The following SLC38A7 variants were observed in gnomAD, a reference collection of about 807,000 sequenced individuals.
The protein encoded by SLC38A7 is sodium-coupled neutral amino acid transporter 7.
SLC38A7 carries 29 observed loss-of-function variants against 50.1 expected under a neutral mutation model. That is an observed-to-expected ratio of 0.58 (90% CI 0.43 to 0.79). The LOEUF is 0.79. Among genes scored for constraint, SLC38A7 ranks in the 30% least tolerant of loss-of-function variants. The pLI, the probability that SLC38A7 is intolerant of heterozygous loss-of-function variation, is 0.00. For synonymous variants in SLC38A7, 244 were observed against 245.9 expected, an observed-to-expected ratio of 0.99 and a Z score of 0.07; for missense variants, 483 against 610.6, an observed-to-expected ratio of 0.79 and a Z score of 2.20.
At position 58,667,396 on chromosome 16, in the gene SLC38A7, G is replaced by A. The variant is rs1240839108; in HGVS notation, c.1378C>T (p.Leu460Phe). The change falls in exon 12 of 12, where the codon CTC becomes TTC. Residue 460 changes from leucine to phenylalanine, a missense_variant. Transcript: ENST00000219320. Reference protein sequence around the residue: ...QTTANAIFVDLLA With the variant: ...QTTANAIFVDFLA ...CTGGGAGGCAGTGGTTATGCCAAGAGATCCACAAAGATGGCGTTGGCTGTG... is the reference window on the plus strand; with the variant it reads ...CTGGGAGGCAGTGGTTATGCCAAGAAATCCACAAAGATGGCGTTGGCTGTG... 3 of 1,614,100 alleles carry A rather than the reference G, an allele frequency of 1.9e-6. No individual in the cohort carries two copies. The highest frequency in any genetic ancestry group is 2.5e-6 in the Non-Finnish European group (3 of 1,180,026).
rs1597664053 is a variant in SLC38A7, at chr16:58,669,985, A to C, written c.1286+128T>G. ...GCGAGACTCCGGCTCAAAAAAAAAA[A>C]AACAAAACAAAAACCCATGATTTCT... On this transcript the variant is annotated intron_variant, in intron 11 of 11. Coordinates refer to ENST00000219320, the MANE Select transcript of SLC38A7 (RefSeq NM_018231.3). The C allele has an allele frequency of 1.4e-5, 12 of 847,382 alleles. No homozygotes were observed. In the South Asian group the frequency reaches 1.9e-4, roughly 13 times the overall value. The allele number at this position is 847,382 out of a possible 1,614,324, so 52.5% of individuals were successfully genotyped here.
Position 58,667,133 on chromosome 16 carries a change from G to C in SLC38A7, c.*252C>G, listed in dbSNP as rs1388350481. On this transcript the variant is annotated 3_prime_UTR_variant, in exon 12 of 12. Coordinates refer to ENST00000219320, the MANE Select transcript of SLC38A7 (RefSeq NM_018231.3). Reference sequence around the variant, plus strand: ...ATGGAGAAGTTGAGAACTGGGAGAGGAGGAGGGGTCCTCTATGATGTGAGA... The same window carrying C: ...ATGGAGAAGTTGAGAACTGGGAGAGCAGGAGGGGTCCTCTATGATGTGAGA... The C allele has an allele frequency of 9.8e-6, 5 of 510,806 alleles. No homozygotes were observed. In the South Asian group the frequency reaches 1.3e-4, roughly 13 times the overall value. 31.6% of individuals were successfully genotyped at this position (510,806 alleles called of 1,614,324 possible).
rs1292474796 is a variant in SLC38A7 at position 58,684,193 on chromosome 16, G to C, written c.-339-15C>G. 6.6e-6 allele frequency: 1 copy of C among 152,520 alleles called. No individual in the cohort carries two copies. Among genetic ancestry groups the C allele is most frequent in the Non-Finnish European group, 1.5e-5 (1 of 68,256 alleles). 9.4% of individuals were successfully genotyped at this position (152,520 alleles called of 1,614,324 possible). On this transcript the variant is annotated splice_polypyrimidine_tract_variant and intron_variant, in intron 1 of 11. Transcript: ENST00000219320. Reference sequence around the variant, plus strand: ...ATGAAATGGAGCTTCAGGACAGATAGGAAAACAGGCCCAGGAGGGAGAGGT... The same window carrying C: ...ATGAAATGGAGCTTCAGGACAGATACGAAAACAGGCCCAGGAGGGAGAGGT...
chr16:58,667,778 A>C (rs2044070706), intron 11 of SLC38A7, among the ~76,000 whole-genome samples: 2 of 152,132 alleles, frequency 1.3e-5, no homozygotes, highest in Admixed American at 6.6e-5. Flanking sequence ...CGTCACATGG[A>C]ATGTGGTCTA....
In SLC38A7 at chr16:58,675,920, T is replaced by TGGG; in HGVS notation, c.883+17_883+19dup. The TGGG allele has an allele frequency of 1.3e-6, 2 of 1,504,754 alleles. No homozygotes were observed. The highest frequency in any genetic ancestry group is 9.1e-7 in the Non-Finnish European group (1 of 1,102,776). The allele number at this position is 1,504,754 out of a possible 1,614,324, so 93.2% of individuals were successfully genotyped here. ...GTGAGAGCACTCTAGTCCCAGGTCT[T>TGGG]GGGGGGGGGGAGCACTCACCTGTCC... On this transcript the variant is annotated intron_variant, in intron 8 of 11. Transcript: ENST00000219320.
Position 58,676,032 on chromosome 16 carries a change from A to T in SLC38A7, c.791T>A (p.Val264Asp). The T allele has an allele frequency of 6.2e-7, 1 of 1,613,524 alleles. No individual in the cohort carries two copies. Among genetic ancestry groups the T allele is most frequent in the Non-Finnish European group, 8.5e-7 (1 of 1,179,798 alleles). ...TTCAGGCTGCTGCATGCTGTTGAAG[A>T]CGGGCACACTGCTGACGTGGCACTG... ...GFQCHVSSVP[V>D]FNSMQQPEVK... is the part of the protein sequence containing the mutation. Residue 264 changes from valine to aspartate, a missense_variant, in exon 8 of 12, where the codon GTC (valine) becomes GAC (aspartate). Transcript: ENST00000219320.
chr16:58,678,946 G>A lies in SLC38A7; in HGVS notation c.271-52C>T, dbSNP rs1384156887. ...TGTGGCAAAGGCCTGGCAGCAGAGG[G>A]CACCCTGGGCTCGCCTAGCATTTAC... is the stretch of plus-strand genomic sequence containing the variant. On this transcript the variant is annotated intron_variant, in intron 3 of 11. Transcript: ENST00000219320. This position sits in a 1 kb window ranked among gnomAD's most constrained non-coding sequence, Gnocchi z 4.0. 1.9e-6 allele frequency: 3 copies of A among 1,574,502 alleles called. No individual in the cohort carries two copies. Among genetic ancestry groups the A allele is most frequent in the Non-Finnish European group, 2.6e-6 (3 of 1,157,412 alleles).
chr16:58,671,250 C>A lies in SLC38A7; in HGVS notation c.1032-6G>T. On this transcript the variant is annotated splice_region_variant and splice_polypyrimidine_tract_variant and intron_variant, in intron 9 of 11. Coordinates refer to ENST00000219320, the MANE Select transcript of SLC38A7 (RefSeq NM_018231.3). ...ACAGGCCTTCCACCACCGCCCTGCC[C>A]ACATGGAGAAGGGCTTAGAGGTGCC... The A allele has an allele frequency of 7.4e-6, 12 of 1,613,274 alleles. No individual in the cohort carries two copies. The highest frequency in any genetic ancestry group is 1.0e-5 in the Non-Finnish European group (12 of 1,179,650).
At position 58,676,049 on chromosome 16, in the gene SLC38A7, G is replaced by A. The variant is rs1278238649; in HGVS notation, c.774C>T (p.His258=). 5.6e-6 allele frequency: 9 copies of A among 1,612,704 alleles called. No homozygotes were observed. The highest frequency in any genetic ancestry group is 4.5e-5 in the East Asian group (2 of 44,834). Residue 258 remains histidine (H), a synonymous_variant, in exon 8 of 12, where the codon CAC becomes CAT. Transcript: ENST00000219320. ...MPTICFGFQC[H]VSSVPVFNSM... Reference sequence around the variant, plus strand: ...TGTTGAAGACGGGCACACTGCTGACGTGGCACTGTCCAGGTGAAGGGCACC... The same window carrying A: ...TGTTGAAGACGGGCACACTGCTGACATGGCACTGTCCAGGTGAAGGGCACC...
Position 58,678,726 on chromosome 16 carries a change from G to A in SLC38A7, c.439C>T (p.Leu147=). The change falls in exon 4 of 12, where the codon CTA becomes TTA. Residue 147 remains leucine, a synonymous_variant. Transcript: ENST00000219320. The surrounding 1 kb of genome is among the most constrained non-coding windows in gnomAD (Gnocchi z 4.0). Reference sequence around the variant, plus strand: ...TCCTGCTGGTCGCCAATGATGATTAGGAAGGCAATGCAGGTGCCAAAGGTG... The same window carrying A: ...TCCTGCTGGTCGCCAATGATGATTAAGAAGGCAATGCAGGTGCCAAAGGTG... The part of the protein sequence containing the change: ...VYTFGTCIAF[L]IIIGDQQDKI... 6.2e-7 allele frequency: 1 copy of A among 1,614,170 alleles called. No individual in the cohort carries two copies. The highest frequency in any genetic ancestry group is 1.1e-5 in the South Asian group (1 of 91,076).
intron 11 of SLC38A7, among the ~76,000 whole-genome samples, chr16:58,668,737 C>CA (rs35586589): frequency 2.2e-4 from 27 of 120,454 alleles, no homozygotes; most frequent in Admixed American, 4.7e-4. Context: ...AAAAAAAAGA[C>CA]AAAAAAAAAA....
chr16:58,669,100 T>C (rs1180685116), intron 11 of SLC38A7, among the ~76,000 whole-genome samples: 3 of 120,700 alleles, frequency 2.5e-5, no homozygotes, highest in East Asian at 2.5e-4. Flanking sequence ...CATGTTTGTA[T>C]GGCTTTTTTT....
At chr16:58,682,854 A>T (rs2152085829) in intron 2 of SLC38A7, among the ~76,000 whole-genome samples, 1 of 151,684 alleles carries the variant, frequency 6.6e-6, no homozygotes, top group African/African-American at 2.4e-5. Context: ...CTGGTCTTGA[A>T]CTCCTGACCT....
intron 9 of SLC38A7, among the ~76,000 whole-genome samples, 159 bp from the exon 10 acceptor site, chr16:58,671,403 T>TA (rs1395216231): frequency 6.6e-6 from 1 of 152,224 alleles, no homozygotes; most frequent in East Asian, 1.9e-4. Context: ...GCACTCTGTT[T>TA]ACCACAGGGA....
chr16:58,684,319 G>A (rs2044447693), intron 1 of SLC38A7, 141 bp from the exon 2 acceptor site: 1 of 152,432 alleles, frequency 6.6e-6, no homozygotes, highest in Non-Finnish European at 1.5e-5. Flanking sequence ...CAACTGGAGT[G>A]TGCTCCCAGT....
intron 8 of SLC38A7, 86 bp downstream of exon 8, chr16:58,675,854 C>G: frequency 9.4e-7 from 1 of 1,065,570 alleles, no homozygotes; most frequent in Non-Finnish European, 1.4e-6. Flanking sequence ...AGGGCTGTCC[C>G]CAGGAAAGCT....
chr16:58,672,096 C>A lies in SLC38A7; in HGVS notation c.1031G>T (p.Arg344Leu). ...TSYPILHFCG[R>L]AVVEGLWLRY... ...CCCTGGGGAGTGGAAGGGGGCTCACCGCCCACAGAAGTGCAGGATAGGGTA... is the reference window on the plus strand; with the variant it reads ...CCCTGGGGAGTGGAAGGGGGCTCACAGCCCACAGAAGTGCAGGATAGGGTA... The change falls in exon 9 of 12, where the codon CGG becomes CTG. Residue 344 changes from arginine (R) to leucine (L), a missense_variant and splice_region_variant. Arg to Leu is a moderately radical substitution (Grantham distance 102, BLOSUM62 -2). Transcript: ENST00000219320. 1 of 1,554,126 alleles carries A rather than the reference C, an allele frequency of 6.4e-7. No homozygotes were observed. Among genetic ancestry groups the A allele is most frequent in the Non-Finnish European group, 8.7e-7 (1 of 1,148,916 alleles).
chr16:58,678,633 T>C lies in SLC38A7; in HGVS notation c.469+63A>G. ...GGAGAGGTGTTCAGTGCCTTTTCCC[T>C]CCACCCCAGGATCCCTGGGGCTGAT... On this transcript the variant is annotated intron_variant, in intron 4 of 11. Coordinates refer to ENST00000219320, the MANE Select transcript of SLC38A7 (RefSeq NM_018231.3). This position sits in a 1 kb window ranked among gnomAD's most constrained non-coding sequence, Gnocchi z 4.0. 4.4e-6 allele frequency: 7 copies of C among 1,592,222 alleles called. No homozygotes were observed. Among genetic ancestry groups the C allele is most frequent in the East Asian group, 2.3e-5 (1 of 44,340 alleles).
In SLC38A7 at chr16:58,676,040, A is replaced by G; in HGVS notation, c.783T>C (p.Ser261=). The G allele has an allele frequency of 6.2e-7, 1 of 1,613,276 alleles. No individual in the cohort carries two copies. Among genetic ancestry groups the G allele is most frequent in the East Asian group, 2.2e-5 (1 of 44,844 alleles). Residue 261 remains serine (S), a synonymous_variant, in exon 8 of 12, where the codon AGT becomes AGC. Transcript: ENST00000219320. ...GCTGCATGCTGTTGAAGACGGGCAC[A>G]CTGCTGACGTGGCACTGTCCAGGTG... ...ICFGFQCHVS[S]VPVFNSMQQP... is the part of the protein sequence containing the mutation.
Sources: allele counts gnomAD v4.1 joint callset (sites outside exome capture counted in the v4.1 genomes callset), GRCh38; gene constraint gnomAD v4.1.1; non-coding constraint Gnocchi (gnomAD v3.1); transcripts MANE v1.5; gene names NCBI Gene and HGNC (gene_info 2026-07-23, HGNC 2026-07-21).